Variants in USH2A observed in about 807,000 individuals in gnomAD.
The protein encoded by USH2A is Usher syndrome 2A (autosomal recessive, mild).
USH2A carries 443 observed loss-of-function variants against 538.9 expected under a neutral mutation model. That is an observed-to-expected ratio of 0.82 (90% CI 0.76 to 0.89). USH2A has a LOEUF of 0.89. USH2A is among the 40% of genes least tolerant of loss of function. The pLI is 0.00. For synonymous variants in USH2A, 2,413 were observed against 2,273.5 expected (o/e 1.06, Z -1.75); for missense variants, 6,633 against 6,324.8 (o/e 1.05, Z -1.65).
chr1:216,291,416 T>A (rs2036999151), intron 10 of USH2A, among the ~76,000 whole-genome samples: 2 of 152,178 alleles, frequency 1.3e-5, no homozygotes, highest in Admixed American at 1.3e-4. Context: ...TTCCTTTCAA[T>A]AGTCTGTCTT....
At chr1:215,888,404 G>T (rs932861919) in intron 41 of USH2A, 22 bp downstream of exon 41, 1 of 1,611,930 alleles carries the variant, frequency 6.2e-7, no homozygotes, top group East Asian at 2.2e-5. Context: ...CTGCAAAGGA[G>T]AGAGAATAGT....
At chr1:216,188,872 C>G (rs1016970634) in intron 20 of USH2A, among the ~76,000 whole-genome samples, 10 of 151,960 alleles carry the variant, frequency 6.6e-5, no homozygotes, top group Admixed American at 6.6e-4. Context: ...CACACCCAGT[C>G]TTCACCCTCC....
At chr1:216,117,254 G>T (rs531551116) in intron 21 of USH2A, among the ~76,000 whole-genome samples, 113 of 152,172 alleles carry the variant, frequency 7.4e-4, no homozygotes, top group African/African-American at 2.6e-3. Flanking sequence ...CTATCATTAT[G>T]GTCAGACTGC....
At position 215,674,868 on chromosome 1, in the gene USH2A, C is replaced by T; in HGVS notation, c.13043G>A (p.Ser4348Asn). 6.2e-7 allele frequency: 1 copy of T among 1,614,106 alleles called. No homozygotes were observed. Among genetic ancestry groups the T allele is most frequent in the Non-Finnish European group, 8.5e-7 (1 of 1,180,012 alleles). ...SGGCSTSKPT[S>N]ITTLEAAPSE... Reference sequence around the variant, plus strand: ...TGGAGCAGCCTCCAGAGTTGTGATGCTGGTGGGTTTGCTGGTGGAGCATCC... The same window carrying T: ...TGGAGCAGCCTCCAGAGTTGTGATGTTGGTGGGTTTGCTGGTGGAGCATCC... The change falls in exon 63 of 72, where the codon AGC becomes AAC. Residue 4348 changes from serine (S) to asparagine (N), a missense_variant. Physicochemically the swap from Ser to Asn is conservative, Grantham distance 46. Transcript: ENST00000307340.
chr1:215,643,135 A>G (rs1193608742), intron 67 of USH2A, among the ~76,000 whole-genome samples: 1 of 152,142 alleles, frequency 6.6e-6, no homozygotes, highest in Non-Finnish European at 1.5e-5. Flanking sequence ...AGCTGAGATT[A>G]CAGGTGTGTG....
chr1:215,647,390 G>T, intron 67 of USH2A, 132 bp downstream of exon 67: 1 of 1,115,954 alleles, frequency 9.0e-7, no homozygotes, highest in Non-Finnish European at 1.3e-6. Context: ...CCTCATCAAT[G>T]CTTCAGTAAC....
chr1:216,359,689 T>C (rs1226191106), intron 4 of USH2A, among the ~76,000 whole-genome samples: 5 of 152,108 alleles, frequency 3.3e-5, no homozygotes, highest in African/African-American at 1.2e-4. Flanking sequence ...ATTATATACA[T>C]TTATTACAAA....
intron 3 of USH2A, among the ~76,000 whole-genome samples, chr1:216,412,893 T>A (rs895331554): frequency 6.6e-6 from 1 of 151,994 alleles, no homozygotes. Flanking sequence ...ATAATATAAG[T>A]CAGTGGCACA....
At chr1:216,140,883 G>T (rs763939146) in intron 21 of USH2A, among the ~76,000 whole-genome samples, 1 of 152,214 alleles carries the variant, frequency 6.6e-6, no homozygotes, top group Admixed American at 6.5e-5. Flanking sequence ...GAGACAGAGG[G>T]CTCTCAGCTA....
rs117193067 is a variant in USH2A at position 216,015,164 on chromosome 1, A to G, written c.6326-14602T>C. Among the ~76,000 whole-genome samples the G allele has an allele frequency of 4.9e-4, 74 of 152,336 alleles. No individual in the cohort carries two copies. The East Asian group carries it at 0.01, about 21-fold the overall frequency. ...AAAATTTTAGAGCAATATAGGTAGC[A>G]CTGACCACATCATCTTGCTATTTGG... On this transcript the variant is annotated intron_variant, in intron 32 of 71. Coordinates refer to ENST00000307340, the MANE Select transcript of USH2A (RefSeq NM_206933.4).
chr1:216,337,849 T>A (rs1172206990), intron 4 of USH2A, among the ~76,000 whole-genome samples: 2 of 151,420 alleles, frequency 1.3e-5, no homozygotes, highest in African/African-American at 4.8e-5. Flanking sequence ...TAACAATTTA[T>A]AATATTTCTT....
At chr1:216,305,880 C>A (rs2037307811) in intron 9 of USH2A, among the ~76,000 whole-genome samples, 1 of 152,150 alleles carries the variant, frequency 6.6e-6, no homozygotes, top group South Asian at 2.1e-4. Flanking sequence ...GAGAAATCTG[C>A]TGTTAATCTG....
intron 9 of USH2A, among the ~76,000 whole-genome samples, chr1:216,293,407 G>A (rs944551339): frequency 6.6e-6 from 1 of 152,122 alleles, no homozygotes; most frequent in Admixed American, 6.5e-5. Flanking sequence ...TATGCTTTTA[G>A]TGTTGTGAAG....
chr1:216,249,865 C>T (rs573355008), intron 12 of USH2A, among the ~76,000 whole-genome samples: 4 of 151,314 alleles, frequency 2.6e-5, no homozygotes, highest in South Asian at 2.1e-4. Flanking sequence ...TGTAAGCATT[C>T]GTGTGTGTGT....
At chr1:215,782,331 T>TTGAGACAGCAATATAATA in intron 53 of USH2A, 135 bp from the exon 54 acceptor site, 1 of 952,954 alleles carries the variant, frequency 1.0e-6, no homozygotes, top group Non-Finnish European at 1.6e-6. Flanking sequence ...ATTATATTGC[T>TTGAGACAGCAATATAATA]GTCTCAAGCA....
At chr1:215,640,954 G>A (rs1337127014) in intron 67 of USH2A, among the ~76,000 whole-genome samples, 1 of 151,086 alleles carries the variant, frequency 6.6e-6, no homozygotes, top group East Asian at 2.0e-4. Context: ...GGGAACATGT[G>A]TGAAATGCTT....
chr1:216,364,936 T>C lies in USH2A; in HGVS notation c.784+17A>G, dbSNP rs2038565665. ...TAATTGGATGAAATAAATAACATTC[T>C]GAAGTCAGAAACTTACCATTTAAAC... On this transcript the variant is annotated intron_variant, in intron 4 of 71. Coordinates refer to ENST00000307340, the MANE Select transcript of USH2A (RefSeq NM_206933.4). 6.2e-7 allele frequency: 1 copy of C among 1,613,096 alleles called. No homozygotes were observed. The highest frequency in any genetic ancestry group is 1.3e-5 in the African/African-American group (1 of 74,894).
intron 49 of USH2A, among the ~76,000 whole-genome samples, chr1:215,807,393 A>G (rs12724961): frequency 0.44 from 66,898 of 151,992 alleles, 15,314 homozygotes; most frequent in Admixed American, 0.56. Flanking sequence ...AATTTCCCCT[A>G]TAAGATTCAA....
intron 21 of USH2A, among the ~76,000 whole-genome samples, chr1:216,152,160 C>A (rs1270220123): frequency 6.6e-6 from 1 of 152,114 alleles, no homozygotes; most frequent in African/African-American, 2.4e-5. Context: ...GCCGCCCCAA[C>A]ACTTCAATAC....
Sources: allele counts gnomAD v4.1 joint callset (sites outside exome capture counted in the v4.1 genomes callset), GRCh38; gene constraint gnomAD v4.1.1; transcripts MANE v1.5; gene names NCBI Gene and HGNC (gene_info 2026-07-23, HGNC 2026-07-21).